The following ABCC5 variants were observed in gnomAD, a reference collection of about 807,000 sequenced individuals.
The protein encoded by ABCC5 is ATP-binding cassette sub-family C member 5.
A neutral mutation model predicts 160.9 loss-of-function variants in ABCC5; 61 were observed. The ratio of observed to expected loss-of-function variants is 0.38; its 90% CI spans 0.31 to 0.47. ABCC5 has a LOEUF of 0.47. ABCC5 is among the 20% of genes least tolerant of loss of function. The pLI, the probability that ABCC5 is intolerant of heterozygous loss-of-function variation, is 0.99. For missense variants in ABCC5, 1,308 were observed against 1,813.3 expected (o/e 0.72, Z 5.06); for synonymous variants, 666 against 700.6 (o/e 0.95, Z 0.78).
In ABCC5 at chr3:183,963,681, A is replaced by G. The variant is rs1716977726; in HGVS notation, c.2032-93T>C. The G allele has an allele frequency of 8.4e-7, 1 of 1,191,096 alleles. No individual in the cohort carries two copies. The highest frequency in any genetic ancestry group is 1.2e-6 in the Non-Finnish European group (1 of 840,888). 73.8% of individuals were successfully genotyped at this position (1,191,096 alleles called of 1,614,324 possible). A position where few individuals can be genotyped will look rare whatever the true frequency, so the allele number is the denominator to read the frequency against. Reference sequence around the variant, plus strand: ...GTCACTTCTCTTCTTGCCCACCCAGACCAGCTCCTTCTGTCAATTCCCCGC... The same window carrying G: ...GTCACTTCTCTTCTTGCCCACCCAGGCCAGCTCCTTCTGTCAATTCCCCGC... On this transcript the variant is annotated intron_variant, in intron 14 of 29. Coordinates refer to ENST00000334444, the MANE Select transcript of ABCC5 (RefSeq NM_005688.4). The surrounding 1 kb of genome is among the most constrained non-coding windows in gnomAD (Gnocchi z 4.6).
At chr3:183,976,222 T>C (rs1718203794) in intron 10 of ABCC5, among the ~76,000 whole-genome samples, 2 of 151,990 alleles carry the variant, frequency 1.3e-5, no homozygotes, top group South Asian at 4.2e-4. Context: ...TTTTTCTTTC[T>C]TCTCTTTTTG....
intron 2 of ABCC5, chr3:184,001,371 G>A (rs549048589): frequency 1.2e-5 from 5 of 423,950 alleles, no homozygotes; most frequent in Non-Finnish European, 1.3e-5. Context: ...TTTTACAAAC[G>A]AGGTATTTCT....
chr3:183,967,006 CTTG>C (rs1410719638), intron 12 of ABCC5, among the ~76,000 whole-genome samples: 1 of 125,040 alleles, frequency 8.0e-6, no homozygotes, highest in Admixed American at 7.5e-5. Context: ...ATGTGGGCAC[CTTG>C]TTTTTTTTTT....
chr3:183,992,128 A>G (rs1719822031), intron 2 of ABCC5, among the ~76,000 whole-genome samples: 1 of 152,272 alleles, frequency 6.6e-6, no homozygotes, highest in Admixed American at 6.5e-5. Flanking sequence ...TGACCACTTT[A>G]GGATTTAATT....
chr3:183,989,072 G>C (rs543232799), intron 3 of ABCC5, among the ~76,000 whole-genome samples, 154 bp downstream of exon 3: 1 of 149,258 alleles, frequency 6.7e-6, no homozygotes, highest in South Asian at 2.1e-4. Flanking sequence ...AGGAGGCTGA[G>C]AGGCAGGAGA....
In ABCC5 at chr3:184,017,753, C is replaced by G. The variant is rs964894447; in HGVS notation, c.-56+77G>C. 1 of 152,504 alleles carries G rather than the reference C, an allele frequency of 6.6e-6. No homozygotes were observed. Among genetic ancestry groups the G allele is most frequent in the African/African-American group, 2.4e-5 (1 of 41,484 alleles). 9.4% of individuals were successfully genotyped at this position (152,504 alleles called of 1,614,324 possible). ...GCAGCCCTGGCCACATCCCGCCACG[C>G]CCCGAGGAAATGCAAAGGGGTGATC... On this transcript the variant is annotated intron_variant, in intron 1 of 29. Transcript: ENST00000334444. The surrounding 1 kb of genome is among the most constrained non-coding windows in gnomAD (Gnocchi z 4.5).
At chr3:184,005,400 A>G (rs1484028906) in intron 2 of ABCC5, among the ~76,000 whole-genome samples, 1 of 152,204 alleles carries the variant, frequency 6.6e-6, no homozygotes, top group Non-Finnish European at 1.5e-5. Flanking sequence ...CATATATAAC[A>G]TCTAATTATC....
At chr3:183,945,805 T>G (rs769248670) in intron 24 of ABCC5, 45 bp downstream of exon 24, 3 of 1,549,868 alleles carry the variant, frequency 1.9e-6, no homozygotes, top group East Asian at 4.5e-5. Flanking sequence ...GTAAACCGAC[T>G]CCAAGAGGAG....
At chr3:183,998,982 C>T (rs1720519016) in intron 2 of ABCC5, among the ~76,000 whole-genome samples, 1 of 151,396 alleles carries the variant, frequency 6.6e-6, no homozygotes, top group South Asian at 2.1e-4. Context: ...CCCAGCTACT[C>T]GGGAGGGTGA....
chr3:183,992,799 TA>T (rs1422243752), intron 2 of ABCC5, among the ~76,000 whole-genome samples: 1 of 150,422 alleles, frequency 6.6e-6, no homozygotes, highest in Non-Finnish European at 1.5e-5. Context: ...AAAAAAAAAA[TA>T]AAAAATAAAA....
intron 2 of ABCC5, chr3:184,010,670 C>T (rs1387527801): frequency 6.5e-6 from 1 of 152,748 alleles, no homozygotes; most frequent in African/African-American, 2.4e-5. Context: ...ACAGCTTCAC[C>T]TATGTGGACA....
At position 183,978,530 on chromosome 3, in the gene ABCC5, G is replaced by A; in HGVS notation, c.1269C>T (p.Thr423=). 1.2e-6 allele frequency: 2 copies of A among 1,613,926 alleles called. No homozygotes were observed. The highest frequency in any genetic ancestry group is 1.7e-6 in the Non-Finnish European group (2 of 1,179,980). The change falls in exon 9 of 30, where the codon ACC becomes ACT. Residue 423 remains threonine (T), a synonymous_variant. Transcript: ENST00000334444. ...GTGCTGCTGTCAGATCGAAGCCCAG[G>A]GTCATATGAACAGAGAAGGTCACCA... The part of the protein sequence containing the change: ...ASVVTFSVHM[T]LGFDLTAAQA...
rs1722314561 is a variant in ABCC5 at position 184,017,779 on chromosome 3, C to G, written c.-56+51G>C. 1.3e-5 allele frequency: 2 copies of G among 152,372 alleles called. No homozygotes were observed. Among genetic ancestry groups the G allele is most frequent in the East Asian group, 1.9e-4 (1 of 5,190 alleles). 9.4% of individuals were successfully genotyped at this position (152,372 alleles called of 1,614,324 possible). On this transcript the variant is annotated intron_variant, in intron 1 of 29. Transcript: ENST00000334444. The surrounding 1 kb of genome is among the most constrained non-coding windows in gnomAD (Gnocchi z 4.5). ...CCCGAGGAAATGCAAAGGGGTGATC[C>G]CCGTGACAACCGAGCTGGAGGGCAG...
intron 28 of ABCC5, among the ~76,000 whole-genome samples, chr3:183,927,094 C>G (rs1712657459): frequency 1.3e-5 from 2 of 152,064 alleles, no homozygotes; most frequent in African/African-American, 4.8e-5. Flanking sequence ...TACAACTACT[C>G]AATGGCCAGA....
chr3:183,947,667 A>C (rs1197311353), intron 22 of ABCC5, among the ~76,000 whole-genome samples, 157 bp from the exon 23 acceptor site: 1 of 152,142 alleles, frequency 6.6e-6, no homozygotes, highest in African/African-American at 2.4e-5. Flanking sequence ...GTATTCTAGG[A>C]ATTCTGGAGG....
At chr3:183,942,661 G>T in intron 25 of ABCC5, 66 bp downstream of exon 25, 1 of 1,565,294 alleles carries the variant, frequency 6.4e-7, no homozygotes, top group South Asian at 1.1e-5. Flanking sequence ...GTTTAAAGGG[G>T]TGAAAGTGAT....
intron 2 of ABCC5, among the ~76,000 whole-genome samples, chr3:183,989,594 T>TTC (rs1158556406): frequency 6.7e-6 from 1 of 148,780 alleles, no homozygotes; most frequent in East Asian, 1.9e-4. Flanking sequence ...ACAGTTTTCT[T>TTC]TTTTTTTTTT....
chr3:183,959,052 TACACAC>T (rs59592606), intron 17 of ABCC5, among the ~76,000 whole-genome samples: 178 of 148,020 alleles, frequency 1.2e-3, no homozygotes, highest in Middle Eastern at 3.4e-3. Context: ...ATCTATACAG[TACACAC>T]ACACACACAC....
At chr3:183,961,742 A>G in intron 15 of ABCC5, 88 bp from the exon 16 acceptor site, 1 of 1,499,114 alleles carries the variant, frequency 6.7e-7, no homozygotes, top group Admixed American at 1.9e-5. Context: ...TCTCTACAGG[A>G]GACGAGTTAA....
Sources: gnomAD v4.1 joint callset for allele counts (sites outside exome capture counted in the v4.1 genomes callset) on GRCh38, gnomAD v4.1.1 for gene constraint, Gnocchi (gnomAD v3.1) non-coding constraint, MANE v1.5 for transcripts, NCBI Gene and HGNC (gene_info 2026-07-23, HGNC 2026-07-21) for gene names.